ESPN: variants seen among roughly 807,000 people sequenced by gnomAD.
The protein encoded by ESPN is autosomal recessive deafness type 36 protein.
Under a neutral mutation model 77.7 loss-of-function variants are expected in ESPN, and 68 were observed. The ratio of observed to expected loss-of-function variants is 0.87; its 90% CI spans 0.72 to 1.07. ESPN has a LOEUF of 1.07. Ranked by LOEUF, ESPN falls within the 50% of genes least tolerant of loss-of-function variation. ESPN has a pLI of 0.00. For missense variants in ESPN, 1,060 were observed against 1,239.0 expected (o/e 0.86, Z 2.17); for synonymous variants, 449 against 567.1 (o/e 0.79, Z 2.96).
chr1:6,446,551 G>A (rs6670977), intron 7 of ESPN, among the ~76,000 whole-genome samples: 1 of 152,196 alleles, frequency 6.6e-6, no homozygotes, highest in Non-Finnish European at 1.5e-5. Context: ...TGAGGCCAGG[G>A]TGGGCAGGTG....
In ESPN at chr1:6,452,073, G is replaced by C. The variant is rs761160948; in HGVS notation, c.2302G>C (p.Glu768Gln). ...GCGCAAGATGCAGCTGAAGATGCAG[G>C]AGGAGGAGGAGCAGAGGCGGAAGGT... ...MVRKMQLKMQ[E>Q]EEEQRRKEEE... is the part of the protein sequence containing the mutation. The change falls in exon 10 of 13, where the codon GAG (glutamate) becomes CAG (glutamine). Residue 768 changes from glutamate (E) to glutamine (Q), a missense_variant. Transcript: ENST00000645284. 8 of 1,555,006 alleles carry C rather than the reference G, an allele frequency of 5.1e-6. 1 individual carries two copies. The South Asian group carries it at 9.4e-5, about 18-fold the overall frequency.
chr1:6,454,393 G>C (rs1175774279), intron 10 of ESPN: 6 of 398,740 alleles, frequency 1.5e-5, no homozygotes, highest in Non-Finnish European at 2.7e-5. Context: ...AGGCCAGAGG[G>C]AGACGCGCCT....
chr1:6,449,067 C>A lies in ESPN; in HGVS notation c.1891C>A (p.Arg631Ser). Residue 631 changes from arginine to serine, a missense_variant, in exon 8 of 13, where the codon CGC (arginine) becomes AGC (serine). Physicochemically the swap from Arg to Ser is moderately radical, Grantham distance 110. Coordinates refer to ENST00000645284, the MANE Select transcript of ESPN (RefSeq NM_031475.3). ...LESAGPGCGQRRSSSSTGSTK... is the reference protein window; with the variant it reads ...LESAGPGCGQSRSSSSTGSTK... Reference sequence around the variant, plus strand: ...GAGCGCTGGCCCTGGCTGCGGGCAGCGCCGCTCCTCCTCGTCCACCGGCAG... The same window carrying A: ...GAGCGCTGGCCCTGGCTGCGGGCAGAGCCGCTCCTCCTCGTCCACCGGCAG... The A allele has an allele frequency of 7.4e-6, 11 of 1,483,200 alleles. No homozygotes were observed. The highest frequency in any genetic ancestry group is 9.8e-6 in the Non-Finnish European group (11 of 1,123,874). 91.9% of individuals were successfully genotyped at this position (1,483,200 alleles called of 1,614,324 possible).
At position 6,460,095 on chromosome 1, in the gene ESPN, G is replaced by A. The variant is rs745650102; in HGVS notation, c.2514G>A (p.Ala838=). 8 of 1,613,168 alleles carry A rather than the reference G, an allele frequency of 5.0e-6. No homozygotes were observed. The South Asian group carries it at 5.5e-5, about 11-fold the overall frequency. The change falls in exon 13 of 13, where the codon GCG becomes GCA. Residue 838 remains alanine (A), a synonymous_variant. Transcript: ENST00000645284. ...RTLGYDESKL[A]PWQRQVILKK... is the part of the protein sequence containing the mutation. ...TGGGCTACGATGAGAGCAAGCTGGC[G>A]CCCTGGCAGCGACAGGTCATCCTGA...
chr1:6,427,686 G>A lies in ESPN; in HGVS notation c.295-540G>A, dbSNP rs1352414130. Among the ~76,000 whole-genome samples the A allele has an allele frequency of 6.6e-6, 1 of 152,234 alleles. No individual in the cohort carries two copies. Among genetic ancestry groups the A allele is most frequent in the Non-Finnish European group, 1.5e-5 (1 of 68,022 alleles). ...GCACTGAGGTTGGGTTCCTGGAGGC[G>A]TACCAAGGTGGAGGTCTCTGTTCCC... is the stretch of plus-strand genomic sequence containing the variant. On this transcript the variant is annotated intron_variant, in intron 1 of 12. Transcript: ENST00000645284. This position sits in a 1 kb window ranked among gnomAD's most constrained non-coding sequence, Gnocchi z 4.6.
At position 6,460,188 on chromosome 1, in the gene ESPN, C is replaced by T. The variant is rs964510104; in HGVS notation, c.*42C>T. 4 of 1,595,594 alleles carry T rather than the reference C, an allele frequency of 2.5e-6. No individual in the cohort carries two copies. On this transcript the variant is annotated 3_prime_UTR_variant, in exon 13 of 13. Transcript: ENST00000645284. Reference sequence around the variant, plus strand: ...TCCGCAGCCTCGCAGCTCCGTGGGGCCCTCCGCCCCAGCCCCAGCCAGCCA... The same window carrying T: ...TCCGCAGCCTCGCAGCTCCGTGGGGTCCTCCGCCCCAGCCCCAGCCAGCCA...
rs1004851145 is a variant in ESPN at position 6,451,360 on chromosome 1, C to A, written c.1916-243C>A. 1.9e-5 allele frequency: 11 copies of A among 585,054 alleles called. No homozygotes were observed. The highest frequency in any genetic ancestry group is 3.0e-5 in the Non-Finnish European group (10 of 329,550). The allele number at this position is 585,054 out of a possible 1,614,324, so 36.2% of individuals were successfully genotyped here. A position where few individuals can be genotyped will look rare whatever the true frequency, so the allele number is the denominator to read the frequency against. ...ACTCCCAGGGGCCTCCAGGCAGGGG[C>A]CCTCCATCCCGTGAGTAGGGTGGGG... On this transcript the variant is annotated intron_variant, in intron 8 of 12. Transcript: ENST00000645284. The surrounding 1 kb of genome is among the most constrained non-coding windows in gnomAD (Gnocchi z 4.3).
Position 6,424,987 on chromosome 1 carries a change from G to C in ESPN, c.32G>C (p.Arg11Pro), listed in dbSNP as rs1459966352. The change falls in exon 1 of 13, where the codon CGG (arginine) becomes CCG (proline). Residue 11 changes from arginine (R) to proline (P), a missense_variant. Physicochemically the swap from Arg to Pro is moderately radical, Grantham distance 103. Transcript: ENST00000645284. MALEQALQAA[R>P]QGELDVLRSL... ...CTGGAGCAGGCGCTGCAGGCGGCGC[G>C]GCAGGGCGAGCTGGACGTGCTGAGG... 1.4e-6 allele frequency: 2 copies of C among 1,458,946 alleles called. No individual in the cohort carries two copies. The highest frequency in any genetic ancestry group is 2.5e-5 in the Admixed American group (1 of 40,658). 90.4% of individuals were successfully genotyped at this position (1,458,946 alleles called of 1,614,324 possible).
chr1:6,432,074 G>A (rs549033636), intron 2 of ESPN, among the ~76,000 whole-genome samples: 1 of 152,318 alleles, frequency 6.6e-6, no homozygotes, highest in East Asian at 1.9e-4. Context: ...AAGTCCACCG[G>A]AGACTTCCCC....
intron 2 of ESPN, among the ~76,000 whole-genome samples, chr1:6,438,056 T>C (rs1297306750): frequency 2.0e-5 from 3 of 149,834 alleles, no homozygotes; most frequent in Non-Finnish European, 4.5e-5. Context: ...ATCTAGGGGG[T>C]GAAACACTGG....
intron 12 of ESPN, among the ~76,000 whole-genome samples, chr1:6,458,057 T>A (rs2148549235): frequency 6.6e-6 from 1 of 151,940 alleles, no homozygotes; most frequent in African/African-American, 2.4e-5. Context: ...GTTTCACTCT[T>A]GTCACCCAAT....
At chr1:6,457,556 C>T (rs1227811079) in intron 12 of ESPN, among the ~76,000 whole-genome samples, 184 bp downstream of exon 12, 2 of 152,220 alleles carry the variant, frequency 1.3e-5, no homozygotes, top group Non-Finnish European at 2.9e-5. Context: ...TTCCCGGTTA[C>T]TCAGTCCCTG....
In ESPN at chr1:6,448,960, T is replaced by C. The variant is rs1176357589; in HGVS notation, c.1784T>C (p.Leu595Pro). ...GCGGACCCCAAGGCGTCCAGGGAGC[T>C]GCCACCGCCGCCCCCACCGCCGCCG... ...CAADPKASRE[L>P]PPPPPPPPPP... Residue 595 changes from leucine (L) to proline (P), a missense_variant, in exon 8 of 13, where the codon CTG becomes CCG. Physicochemically the swap from Leu to Pro is moderately conservative, Grantham distance 98. This residue lies in a region of ESPN where 374 missense variants were observed against 381.4 expected (regional missense o/e 0.98). Transcript: ENST00000645284. 6.3e-6 allele frequency: 9 copies of C among 1,423,724 alleles called. No individual in the cohort carries two copies. Among genetic ancestry groups the C allele is most frequent in the Admixed American group, 2.9e-5 (1 of 34,672 alleles). 88.2% of individuals were successfully genotyped at this position (1,423,724 alleles called of 1,614,324 possible).
At chr1:6,445,114 TAC>T (rs146450064) in intron 6 of ESPN, among the ~76,000 whole-genome samples, 20,997 of 151,940 alleles carry the variant, frequency 0.14, 1,492 homozygotes, top group South Asian at 0.16. Context: ...CACACACACA[TAC>T]ACACCATGTC....
intron 2 of ESPN, among the ~76,000 whole-genome samples, chr1:6,439,247 G>A (rs1210403389): frequency 1.3e-5 from 2 of 152,210 alleles, no homozygotes; most frequent in African/African-American, 2.4e-5. Flanking sequence ...AACCCAGGAC[G>A]TTTGACTAGC....
chr1:6,431,530 C>A (rs1053770366), intron 2 of ESPN, among the ~76,000 whole-genome samples: 35 of 149,250 alleles, frequency 2.3e-4, no homozygotes, highest in Non-Finnish European at 4.9e-4. Flanking sequence ...ACTTGGGAGG[C>A]TGAGGCAGGA....
At chr1:6,454,976 C>G in intron 10 of ESPN, 1 of 379,908 alleles carries the variant, frequency 2.6e-6, no homozygotes, top group Non-Finnish European at 4.7e-6. Context: ...GCGCCACCTA[C>G]GAGCTGCGCG....
At chr1:6,434,539 AG>A (rs375152529) in intron 2 of ESPN, among the ~76,000 whole-genome samples, 327 of 152,258 alleles carry the variant, frequency 2.1e-3, no homozygotes, top group African/African-American at 7.4e-3. Flanking sequence ...CTCCCCTCTG[AG>A]CATTCCCAAG....
At chr1:6,459,651 C>G (rs540542310) in intron 12 of ESPN, among the ~76,000 whole-genome samples, 1 of 152,260 alleles carries the variant, frequency 6.6e-6, no homozygotes, top group South Asian at 2.1e-4. Flanking sequence ...ATATTGACAG[C>G]TCCCCCACAA....
Sources: allele counts gnomAD v4.1 joint callset (sites outside exome capture counted in the v4.1 genomes callset), GRCh38; gene constraint gnomAD v4.1.1; regional missense constraint gnomAD v4.1.1; non-coding constraint Gnocchi (gnomAD v3.1); transcripts MANE v1.5; gene names NCBI Gene and HGNC (gene_info 2026-07-23, HGNC 2026-07-21).